TIE1: variants seen among roughly 807,000 people sequenced by gnomAD.
TIE1 encodes the protein tyrosine kinase with immunoglobulin like and EGF like domains 1, also known as tyrosine-protein kinase receptor Tie-1.
A neutral mutation model predicts 130.5 loss-of-function variants in TIE1; 89 were observed. The ratio of observed to expected loss-of-function variants is 0.68; its 90% CI spans 0.57 to 0.81. The LOEUF (loss-of-function observed/expected upper bound fraction) is 0.81. Ranked by LOEUF, TIE1 falls within the 40% of genes least tolerant of loss-of-function variation. The probability of loss-of-function intolerance (pLI) is 0.00; values close to 1 mark genes in which losing one functional copy is unlikely to be tolerated. For missense variants in TIE1, 1,392 were observed against 1,559.8 expected (o/e 0.89, Z 1.81); for synonymous variants, 568 against 629.4 (o/e 0.90, Z 1.46).
chr1:43,304,784 G>C (rs1454075335), intron 1 of TIE1, 67 bp from the exon 2 acceptor site: 3 of 1,371,316 alleles, frequency 2.2e-6, no homozygotes, highest in Non-Finnish European at 2.8e-6. Flanking sequence ...AGAGGGCTGG[G>C]GCTGGGGGCT....
Position 43,317,822 on chromosome 1 carries a change from C to A in TIE1, c.2732-60C>A, listed in dbSNP as rs945491252. 6.3e-7 allele frequency: 1 copy of A among 1,581,200 alleles called. No homozygotes were observed. Among genetic ancestry groups the A allele is most frequent in the African/African-American group, 1.3e-5 (1 of 74,308 alleles). The stretch of plus-strand genomic sequence containing the variant: ...ATCCCTGTCTGTTACCATCGGGTGC[C>A]TGCTCCCACCCTAGGTTGCCTGTGT... On this transcript the variant is annotated intron_variant, in intron 16 of 22. Transcript: ENST00000372476. The surrounding 1 kb of genome is among the most constrained non-coding windows in gnomAD (Gnocchi z 5.1).
At position 43,322,556 on chromosome 1, in the gene TIE1, G is replaced by A. The variant is rs1019162947; in HGVS notation, c.3346-95G>A. On this transcript the variant is annotated intron_variant, in intron 22 of 22. Coordinates refer to ENST00000372476, the MANE Select transcript of TIE1 (RefSeq NM_005424.5). This position sits in a 1 kb window ranked among gnomAD's most constrained non-coding sequence, Gnocchi z 4.0. ...TCTTAGGTCTCCAGAACAAATCAGT[G>A]TCAGTTCAAATGCCCCCACCACATG... 4.4e-6 allele frequency: 4 copies of A among 899,732 alleles called. No homozygotes were observed. Among genetic ancestry groups the A allele is most frequent in the Non-Finnish European group, 7.2e-6 (4 of 555,104 alleles). 55.7% of individuals were successfully genotyped at this position (899,732 alleles called of 1,614,324 possible). A position where few individuals can be genotyped will look rare whatever the true frequency, so the allele number is the denominator to read the frequency against.
chr1:43,300,982 A>G lies in TIE1; in HGVS notation c.-90A>G, dbSNP rs1016102878. On this transcript the variant is annotated 5_prime_UTR_variant, in exon 1 of 23. Coordinates refer to ENST00000372476, the MANE Select transcript of TIE1 (RefSeq NM_005424.5). ...TCCTCTTCCTCCCCAGCACCGACCC[A>G]CACTGACCAACACAGGCTGAGCAGT... 3 of 1,127,324 alleles carry G rather than the reference A, an allele frequency of 2.7e-6. No homozygotes were observed. The highest frequency in any genetic ancestry group is 3.5e-6 in the Non-Finnish European group (3 of 845,656). The allele number at this position is 1,127,324 out of a possible 1,614,324, so 69.8% of individuals were successfully genotyped here.
chr1:43,320,404 A>C (rs1246556385), intron 19 of TIE1: 3 of 152,240 alleles, frequency 2.0e-5, no homozygotes, highest in Non-Finnish European at 4.4e-5. Context: ...CAGGGCCTGG[A>C]CCACGGTAAG....
In TIE1 at chr1:43,313,678, G is replaced by A; in HGVS notation, c.2219-100G>A. The stretch of plus-strand genomic sequence containing the variant: ...CCCAAGTGATTTCCTGACAGTCCTG[G>A]CACTGGGATCTTTCACCTCTCCCTC... On this transcript the variant is annotated intron_variant, in intron 13 of 22. Coordinates refer to ENST00000372476, the MANE Select transcript of TIE1 (RefSeq NM_005424.5). This position sits in a 1 kb window ranked among gnomAD's most constrained non-coding sequence, Gnocchi z 6.2. The A allele has an allele frequency of 7.6e-7, 1 of 1,307,740 alleles. No homozygotes were observed. The allele number at this position is 1,307,740 out of a possible 1,614,324, so 81.0% of individuals were successfully genotyped here.
chr1:43,311,582 A>C, intron 9 of TIE1, 89 bp from the exon 10 acceptor site: 4 of 1,509,938 alleles, frequency 2.6e-6, no homozygotes, highest in Non-Finnish European at 3.6e-6. Flanking sequence ...GGTGTCCCTC[A>C]AGCCCAGAGG....
rs775394860 is a variant in TIE1, at chr1:43,307,129, C to T, written c.641-13C>T. 9 of 1,613,852 alleles carry T rather than the reference C, an allele frequency of 5.6e-6. No homozygotes were observed. In the East Asian group the frequency reaches 1.8e-4, roughly 32 times the overall value. ...GTGGGTGAGGGTCAGCTGCTGAAGA[C>T]ACCTTCCTCCAGGTTGTGGGGCTGG... On this transcript the variant is annotated splice_polypyrimidine_tract_variant and intron_variant, in intron 4 of 22. Coordinates refer to ENST00000372476, the MANE Select transcript of TIE1 (RefSeq NM_005424.5). The surrounding 1 kb of genome is among the most constrained non-coding windows in gnomAD (Gnocchi z 5.4).
chr1:43,321,786 ATGACCC>A (rs1355878727), intron 22 of TIE1, 71 bp downstream of exon 22: 7 of 1,432,456 alleles, frequency 4.9e-6, no homozygotes, highest in Non-Finnish European at 6.7e-6. Flanking sequence ...CAGAGGTGCC[ATGACCC>A]CTGTCCCAAC....
chr1:43,319,149 T>C lies in TIE1; in HGVS notation c.2923-86T>C, dbSNP rs1646889335. 5 of 927,822 alleles carry C rather than the reference T, an allele frequency of 5.4e-6. No individual in the cohort carries two copies. Among genetic ancestry groups the C allele is most frequent in the Middle Eastern group, 3.1e-4 (1 of 3,180 alleles). The allele number at this position is 927,822 out of a possible 1,614,324, so 57.5% of individuals were successfully genotyped here. ...TATGGGGTATTGAAGGTAACAAGGG[T>C]ACCCACGAAGACTGACTCCTTACTG... On this transcript the variant is annotated intron_variant, in intron 17 of 22. Transcript: ENST00000372476. The surrounding 1 kb of genome is among the most constrained non-coding windows in gnomAD (Gnocchi z 4.7).
rs371272970 is a variant in TIE1 at position 43,318,001 on chromosome 1, C to G, written c.2851C>G (p.Leu951Val). The change falls in exon 17 of 23, where the codon CTT (leucine) becomes GTT (valine). Residue 951 changes from leucine to valine, a missense_variant. Around this residue, in one of 6 missense-constraint regions of TIE1, gnomAD observed 286 missense variants for 354.4 expected, o/e 0.81. Transcript: ENST00000372476. The surrounding 1 kb of genome is among the most constrained non-coding windows in gnomAD (Gnocchi z 4.4). ...TCGAGAGCATGGGACAGCCTCTACC[C>G]TTAGCTCCCGGCAGCTGCTGCGTTT... ...FAREHGTAST[L>V]SSRQLLRFAS... 2.5e-5 allele frequency: 40 copies of G among 1,601,878 alleles called. No individual in the cohort carries two copies. Among genetic ancestry groups the G allele is most frequent in the Non-Finnish European group, 3.3e-5 (39 of 1,173,766 alleles).
intron 7 of TIE1, chr1:43,308,759 G>A: frequency 1.6e-6 from 1 of 644,374 alleles, no homozygotes; most frequent in Non-Finnish European, 2.9e-6. Flanking sequence ...TCTGCTGGCA[G>A]GTATTAGACG....
Position 43,312,509 on chromosome 1 carries a change from C to T in TIE1, c.1835C>T (p.Pro612Leu). 1 of 1,613,350 alleles carries T rather than the reference C, an allele frequency of 6.2e-7. No individual in the cohort carries two copies. The highest frequency in any genetic ancestry group is 8.5e-7 in the Non-Finnish European group (1 of 1,179,906). Residue 612 changes from proline (P) to leucine (L), a missense_variant, in exon 12 of 23, where the codon CCT becomes CTT. By Grantham distance (98) the Pro-to-Leu change is moderately conservative. Around this residue, in one of 6 missense-constraint regions of TIE1, gnomAD observed 551 missense variants for 565.5 expected, o/e 0.97. Transcript: ENST00000372476. The surrounding 1 kb of genome is among the most constrained non-coding windows in gnomAD (Gnocchi z 5.6). ...ARTALLTGLT[P>L]GTHYQLDVQL... ...ACTGCCCTCCTGACGGGACTCACGC[C>T]TGGCACCCACTACCAGCTGGATGTG... is the stretch of plus-strand genomic sequence containing the variant.
Position 43,307,773 on chromosome 1 carries a change from A to C in TIE1, c.914-23A>C. On this transcript the variant is annotated intron_variant, in intron 6 of 22. Transcript: ENST00000372476. This position sits in a 1 kb window ranked among gnomAD's most constrained non-coding sequence, Gnocchi z 5.4. ...ATTGCCCCCTGTCCCATGCCCCTCTAATCATACCTCCTCTATTCCCAGCTT... is the reference window on the plus strand; with the variant it reads ...ATTGCCCCCTGTCCCATGCCCCTCTCATCATACCTCCTCTATTCCCAGCTT... 6.2e-7 allele frequency: 1 copy of C among 1,613,760 alleles called. No individual in the cohort carries two copies. Among genetic ancestry groups the C allele is most frequent in the Non-Finnish European group, 8.5e-7 (1 of 1,179,850 alleles).
At position 43,317,350 on chromosome 1, in the gene TIE1, T is replaced by G. The variant is rs143318072; in HGVS notation, c.2561T>G (p.Ile854Ser). The change falls in exon 15 of 23, where the codon ATC becomes AGC. Residue 854 changes from isoleucine to serine, a missense_variant. Transcript: ENST00000372476. The surrounding 1 kb of genome is among the most constrained non-coding windows in gnomAD (Gnocchi z 5.1). ...GGGGAGGGGAACTTCGGCCAGGTCATCCGGGCCATGATCAAGAAGGACGGG... is the reference window on the plus strand; with the variant it reads ...GGGGAGGGGAACTTCGGCCAGGTCAGCCGGGCCATGATCAAGAAGGACGGG... Reference protein sequence around the residue: ...LIGEGNFGQVIRAMIKKDGLK... With the variant: ...LIGEGNFGQVSRAMIKKDGLK... The G allele has an allele frequency of 2.7e-4, 431 of 1,613,850 alleles. 1 individual carries two copies. Among genetic ancestry groups the G allele is most frequent in the Non-Finnish European group, 3.2e-4 (377 of 1,180,000 alleles).
chr1:43,316,579 T>A lies in TIE1; in HGVS notation c.2410-620T>A, dbSNP rs1646860325. On this transcript the variant is annotated intron_variant, in intron 14 of 22. Coordinates refer to ENST00000372476, the MANE Select transcript of TIE1 (RefSeq NM_005424.5). This position sits in a 1 kb window ranked among gnomAD's most constrained non-coding sequence, Gnocchi z 4.4. ...TGCTATTTTCAGGTCCTGGCCTGATTTTAGAGCTATGGAGAAAAGCCAAGT... is the reference window on the plus strand; with the variant it reads ...TGCTATTTTCAGGTCCTGGCCTGATATTAGAGCTATGGAGAAAAGCCAAGT... Among the ~76,000 whole-genome samples the A allele has an allele frequency of 6.6e-6, 1 of 152,192 alleles. No homozygotes were observed. The highest frequency in any genetic ancestry group is 2.4e-5 in the African/African-American group (1 of 41,436).
At position 43,319,913 on chromosome 1, in the gene TIE1, A is replaced by C. The variant is rs1570452908; in HGVS notation, c.3107+384A>C. 3 of 255,064 alleles carry C rather than the reference A, an allele frequency of 1.2e-5. No homozygotes were observed. Among genetic ancestry groups the C allele is most frequent in the South Asian group, 4.7e-5 (1 of 21,254 alleles). The allele number at this position is 255,064 out of a possible 1,614,324, so 15.8% of individuals were successfully genotyped here. ...CACCTGAGGATCTTACCAGAGCATG[A>C]CCCCCAAGACTCCCTCTCTGTGCCC... On this transcript the variant is annotated intron_variant, in intron 19 of 22. Coordinates refer to ENST00000372476, the MANE Select transcript of TIE1 (RefSeq NM_005424.5). The surrounding 1 kb of genome is among the most constrained non-coding windows in gnomAD (Gnocchi z 4.7).
chr1:43,314,364 C>T lies in TIE1; in HGVS notation c.2409+396C>T, dbSNP rs1646838769. On this transcript the variant is annotated intron_variant, in intron 14 of 22. Transcript: ENST00000372476. ...AATGGAAGGGCACTTGGGGTTCATG[C>T]TGGCTTTTGTCCTTGCAGGCCTTCC... 3.5e-6 allele frequency: 4 copies of T among 1,147,554 alleles called. No individual in the cohort carries two copies. In the South Asian group the frequency reaches 7.5e-5, roughly 22 times the overall value. The allele number at this position is 1,147,554 out of a possible 1,614,324, so 71.1% of individuals were successfully genotyped here. A position where few individuals can be genotyped will look rare whatever the true frequency, so the allele number is the denominator to read the frequency against.
At chr1:43,303,286 C>G (rs1366439414) in intron 1 of TIE1, among the ~76,000 whole-genome samples, 2 of 152,050 alleles carry the variant, frequency 1.3e-5, no homozygotes, top group East Asian at 3.9e-4. Flanking sequence ...AAGACCGTTC[C>G]CGAGTTACTG....
rs772012771 is a variant in TIE1 at position 43,313,916 on chromosome 1, T to C, written c.2357T>C (p.Ile786Thr). The change falls in exon 14 of 23, where the codon ATC (isoleucine) becomes ACC (threonine). Residue 786 changes from isoleucine (I) to threonine (T), a missense_variant. Physicochemically the swap from Ile to Thr is moderately conservative, Grantham distance 89. Coordinates refer to ENST00000372476, the MANE Select transcript of TIE1 (RefSeq NM_005424.5). This position sits in a 1 kb window ranked among gnomAD's most constrained non-coding sequence, Gnocchi z 6.2. ...ILAALLTLVC[I>T]RRSCLHRRRT... ...GCTGCCCTTTTAACCCTGGTGTGCA[T>C]CCGCAGAAGCTGCCTGCATCGGAGA... is the stretch of plus-strand genomic sequence containing the variant. 4.3e-6 allele frequency: 7 copies of C among 1,613,972 alleles called. No homozygotes were observed. The highest frequency in any genetic ancestry group is 5.9e-6 in the Non-Finnish European group (7 of 1,180,022).
Sources: allele counts gnomAD v4.1 joint callset (sites outside exome capture counted in the v4.1 genomes callset), GRCh38; gene constraint gnomAD v4.1.1; regional missense constraint gnomAD v4.1.1; non-coding constraint Gnocchi (gnomAD v3.1); transcripts MANE v1.5; gene names NCBI Gene and HGNC (gene_info 2026-07-23, HGNC 2026-07-21).